Variants in RAB9B observed in about 807,000 individuals in gnomAD.
The protein encoded by RAB9B is RAB9B, member RAS oncogene family.
In RAB9B, 1 loss-of-function variant was observed where a neutral mutation model predicts 8.9. The ratio of observed to expected loss-of-function variants is 0.11; its 90% CI spans 0.04 to 0.53. The LOEUF is 0.53. Among genes scored for constraint, RAB9B ranks in the 20% least tolerant of loss-of-function variants. The pLI, the probability that RAB9B is intolerant of heterozygous loss-of-function variation, is 0.93. For missense variants in RAB9B, 82 were observed against 152.9 expected, an observed-to-expected ratio of 0.54 and a Z score of 2.45; for synonymous variants, 63 against 57.0, an observed-to-expected ratio of 1.10 and a Z score of -0.47.
At chrX:103,790,887 T>C in the RAB9B span, 1 of 354,705 alleles carries the variant, frequency 2.8e-6, no homozygotes, top group Non-Finnish European at 4.9e-6. Context: ...GAGGCTCTAA[T>C]TGAATTTTCA....
At position 103,825,086 on chromosome X, in the gene RAB9B, T is replaced by C; in HGVS notation, c.*93A>G. On this transcript the variant is annotated 3_prime_UTR_variant, in exon 3 of 3. Transcript: ENST00000243298. ...ATCAGAACCTTGTCTCTTACCCTCTTGTGTGCGTGTGTGTGCACTCTTAGA... is the reference window on the plus strand; with the variant it reads ...ATCAGAACCTTGTCTCTTACCCTCTCGTGTGCGTGTGTGTGCACTCTTAGA... 1.1e-6 allele frequency: 1 copy of C among 909,293 alleles called. No individual in the cohort carries two copies. Among genetic ancestry groups the C allele is most frequent in the Non-Finnish European group, 1.5e-6 (1 of 657,436 alleles). The allele number at this position is 909,293 out of a possible 1,213,427, so 74.9% of individuals were successfully genotyped here.
At chrX:103,828,185 T>G (rs749345329) in intron 1 of RAB9B, among the ~76,000 whole-genome samples, 4 of 111,958 alleles carry the variant, frequency 3.6e-5, no homozygotes, top group African/African-American at 1.3e-4. Flanking sequence ...AATAATCACA[T>G]GTTATTTTCT....
At chrX:103,809,051 G>A in the RAB9B span, among the ~76,000 whole-genome samples, 25 of 112,304 alleles carry the variant, frequency 2.2e-4, no homozygotes, top group Non-Finnish European at 4.3e-4. Flanking sequence ...TTGGAGAAGG[G>A]GATCTTTGGG....
At chrX:103,810,655 C>G in the RAB9B span, among the ~76,000 whole-genome samples, 1 of 111,817 alleles carries the variant, frequency 8.9e-6, no homozygotes, top group Non-Finnish European at 1.9e-5. Flanking sequence ...CTTCTCATGC[C>G]CACTCCCACC....
chrX:103,798,713 GC>G, the RAB9B span, among the ~76,000 whole-genome samples: 1 of 106,585 alleles, frequency 9.4e-6, no homozygotes, highest in Non-Finnish European at 1.9e-5. Context: ...TGCGATCTCG[GC>G]TCACTGCAAC....
the RAB9B span, chrX:103,788,785 C>G: frequency 2.7e-6 from 1 of 364,054 alleles, no homozygotes; most frequent in Non-Finnish European, 4.8e-6. Flanking sequence ...AGCCTAATGG[C>G]AAAATCCCCC....
the RAB9B span, among the ~76,000 whole-genome samples, chrX:103,796,335 T>TG: frequency 1.9e-3 from 213 of 111,407 alleles, 2 homozygotes; most frequent in East Asian, 0.022. Flanking sequence ...CCAGGCGTGG[T>TG]GGTTCAAGCC....
the RAB9B span, chrX:103,776,975 T>A: frequency 1.9e-5 from 23 of 1,202,817 alleles, no homozygotes; most frequent in Non-Finnish European, 2.6e-5. Context: ...CGGCTACAAT[T>A]GGAGTCAGAG....
At chrX:103,812,144 C>T in the RAB9B span, among the ~76,000 whole-genome samples, 11 of 110,198 alleles carry the variant, frequency 1.0e-4, no homozygotes, top group Middle Eastern at 4.6e-3. Flanking sequence ...CAGGTATGTG[C>T]CACCATACCC....
the RAB9B span, among the ~76,000 whole-genome samples, chrX:103,809,853 C>T: frequency 2.8e-5 from 3 of 108,831 alleles, no homozygotes; most frequent in Non-Finnish European, 5.7e-5. Flanking sequence ...TGAAGTCATA[C>T]TCCTGGGATC....
the RAB9B span, among the ~76,000 whole-genome samples, chrX:103,816,378 A>G: frequency 2.1e-4 from 23 of 112,017 alleles, no homozygotes; most frequent in East Asian, 2.2e-3. Flanking sequence ...GGCTAGCCAT[A>G]TGTGGAAAGC....
chrX:103,789,153 G>A, the RAB9B span: 8 of 494,089 alleles, frequency 1.6e-5, no homozygotes, highest in Non-Finnish European at 2.9e-5. Context: ...TGGGCCAGGT[G>A]CTATGGTGTA....
At chrX:103,781,332 C>T in the RAB9B span, 1 of 324,002 alleles carries the variant, frequency 3.1e-6, no homozygotes, top group South Asian at 2.7e-5. Context: ...TTCTGTTGAT[C>T]TCTGTCAGAC....
chrX:103,824,902 G>C lies in RAB9B; in HGVS notation c.*277C>G, dbSNP rs770708523. 15 of 201,227 alleles carry C rather than the reference G, an allele frequency of 7.5e-5. No individual in the cohort carries two copies. In the East Asian group the frequency reaches 1.3e-3, roughly 18 times the overall value. The allele number at this position is 201,227 out of a possible 1,213,427, so 16.6% of individuals were successfully genotyped here. ...ACTGTGATTTAAAAAATATTTAACT[G>C]TCTCAGGACTAAAATTTTCTGATAT... On this transcript the variant is annotated 3_prime_UTR_variant, in exon 3 of 3. Transcript: ENST00000243298.
the RAB9B span, among the ~76,000 whole-genome samples, chrX:103,796,736 A>G: frequency 9.4e-6 from 1 of 106,756 alleles, no homozygotes; most frequent in Non-Finnish European, 1.9e-5. Context: ...AAAGCTGCAG[A>G]GATTAGCTGA....
chrX:103,819,642 C>T (rs189938095), downstream of RAB9B, among the ~76,000 whole-genome samples: 1 of 111,857 alleles, frequency 8.9e-6, no homozygotes, highest in Admixed American at 9.5e-5. Context: ...GATCCTTGCT[C>T]ACCAGTTTTG....
the RAB9B span, among the ~76,000 whole-genome samples, chrX:103,798,004 G>A: frequency 9.0e-6 from 1 of 111,008 alleles, no homozygotes; most frequent in Non-Finnish European, 1.9e-5. Context: ...AGGAGCATCA[G>A]GATCACCCGG....
downstream of RAB9B, among the ~76,000 whole-genome samples, chrX:103,821,567 C>G (rs569012661): frequency 1.8e-5 from 2 of 111,723 alleles, no homozygotes; most frequent in South Asian, 7.5e-4. Flanking sequence ...GCTAATGTAT[C>G]TTTAAAATCC....
At chrX:103,787,163 A>G in the RAB9B span, among the ~76,000 whole-genome samples, 1 of 111,541 alleles carries the variant, frequency 9.0e-6, no homozygotes, top group Non-Finnish European at 1.9e-5. Flanking sequence ...TGAAATTTAC[A>G]ATGTTCTGGG....
Sources: gnomAD v4.1 joint callset for allele counts (sites outside exome capture counted in the v4.1 genomes callset) on GRCh38, gnomAD v4.1.1 for gene constraint, MANE v1.5 for transcripts, NCBI Gene and HGNC (gene_info 2026-07-23, HGNC 2026-07-21) for gene names.